The following ALDH3A2 variants were observed in gnomAD, a reference collection of about 807,000 sequenced individuals.
ALDH3A2 encodes aldehyde dehydrogenase 3 family member A2.
In ALDH3A2, 36 loss-of-function variants were observed where a neutral mutation model predicts 51.3. That is an observed-to-expected ratio of 0.70 (90% CI 0.54 to 0.93). ALDH3A2 has a LOEUF of 0.93. Ranked by LOEUF, ALDH3A2 falls within the 40% of genes least tolerant of loss-of-function variation. The pLI, the probability that ALDH3A2 is intolerant of heterozygous loss-of-function variation, is 0.00. For synonymous variants in ALDH3A2, 199 were observed against 219.8 expected (o/e 0.91, Z 0.84); for missense variants, 552 against 603.1 (o/e 0.92, Z 0.89).
intron 6 of ALDH3A2, chr17:19,661,496 T>C (rs1386161062): frequency 1.9e-6 from 1 of 523,224 alleles, no homozygotes; most frequent in East Asian, 3.4e-5. Context: ...TGTTCATATT[T>C]ACACATAACT....
In ALDH3A2 at chr17:19,656,348, T is replaced by G; in HGVS notation, c.472-18T>G. 1 of 1,600,354 alleles carries G rather than the reference T, an allele frequency of 6.2e-7. No homozygotes were observed. The highest frequency in any genetic ancestry group is 2.2e-5 in the East Asian group (1 of 44,796). On this transcript the variant is annotated intron_variant, in intron 3 of 9. Transcript: ENST00000176643. ...ATTTATTTGGCAGTGCAAGAGTTTGTGTTTCTCTTTCTTTGAGGATCTCTA... is the reference window on the plus strand; with the variant it reads ...ATTTATTTGGCAGTGCAAGAGTTTGGGTTTCTCTTTCTTTGAGGATCTCTA...
chr17:19,656,406 C>T lies in ALDH3A2; in HGVS notation c.512C>T (p.Thr171Met), dbSNP rs762531887. Residue 171 changes from threonine (T) to methionine (M), a missense_variant, in exon 4 of 10, where the codon ACG (threonine) becomes ATG (methionine). Coordinates refer to ENST00000176643, the MANE Select transcript of ALDH3A2 (RefSeq NM_000382.3). ...ATTAATGGTGGTGTTGAGGAAACCA[C>T]GGAGCTCCTGAAGCAGCGATTTGAC... ...IVINGGVEET[T>M]ELLKQRFDHI... 26 of 1,613,992 alleles carry T rather than the reference C, an allele frequency of 1.6e-5. 1 individual carries two copies. In the South Asian group the frequency reaches 1.8e-4, roughly 11 times the overall value.
intron 3 of ALDH3A2, 126 bp from the exon 4 acceptor site, chr17:19,656,240 A>C: frequency 1.1e-6 from 1 of 884,008 alleles, no homozygotes; most frequent in South Asian, 1.4e-5. Context: ...CCCATCCCTC[A>C]CAGGGACTGG....
chr17:19,662,607 C>T (rs2084980792), intron 6 of ALDH3A2, among the ~76,000 whole-genome samples: 1 of 152,178 alleles, frequency 6.6e-6, no homozygotes, highest in South Asian at 2.1e-4. Context: ...TCTTGTGCCT[C>T]TTCCCCATGG....
At chr17:19,673,988 T>A (rs987742057) in intron 9 of ALDH3A2, 2 of 152,370 alleles carry the variant, frequency 1.3e-5, no homozygotes, top group African/African-American at 4.8e-5. Context: ...GCCAGCTGAC[T>A]AATTCAGACT....
chr17:19,650,867 G>A lies in ALDH3A2; in HGVS notation c.154-680G>A, dbSNP rs147053798. On this transcript the variant is annotated intron_variant, in intron 1 of 9. Coordinates refer to ENST00000176643, the MANE Select transcript of ALDH3A2 (RefSeq NM_000382.3). Reference sequence around the variant, plus strand: ...CAATCAAAGATTATTTTAATAAGTCGTAATAGTGGTAGTACTAGTAGCAAC... The same window carrying A: ...CAATCAAAGATTATTTTAATAAGTCATAATAGTGGTAGTACTAGTAGCAAC... 6.2e-4 allele frequency among the ~76,000 whole-genome samples: 94 copies of A among 152,242 alleles called. 1 individual carries two copies. In the East Asian group the frequency reaches 0.016, roughly 26 times the overall value.
chr17:19,661,389 C>A, intron 6 of ALDH3A2, 121 bp downstream of exon 6: 1 of 1,199,500 alleles, frequency 8.3e-7, no homozygotes. Flanking sequence ...GTACTAAATC[C>A]TGCTTTCTGG....
Position 19,675,626 on chromosome 17 carries a change from A to G in ALDH3A2, c.*54A>G, listed in dbSNP as rs1567609210. On this transcript the variant is annotated 3_prime_UTR_variant, in exon 10 of 10. Coordinates refer to ENST00000176643, the MANE Select transcript of ALDH3A2 (RefSeq NM_000382.3). ...CTCTACTGAATTATTCCTCTTTTAA[A>G]TGGTTAATGAACCAATAATTTTTAA... 1.9e-6 allele frequency: 3 copies of G among 1,551,644 alleles called. No individual in the cohort carries two copies. Among genetic ancestry groups the G allele is most frequent in the South Asian group, 2.2e-5 (2 of 89,646 alleles).
chr17:19,648,260 G>C (rs771227897), upstream of ALDH3A2: 4 of 152,416 alleles, frequency 2.6e-5, no homozygotes, highest in Non-Finnish European at 5.9e-5. Context: ...CCAGGGAACT[G>C]GGACGGTCAG....
At chr17:19,659,258 G>A (rs935190124) in intron 5 of ALDH3A2, among the ~76,000 whole-genome samples, 7 of 151,894 alleles carry the variant, frequency 4.6e-5, no homozygotes, top group East Asian at 1.9e-4. Context: ...GAAAATTGTC[G>A]CCGTTGTGGT....
At chr17:19,668,042 C>T (rs995640068) in intron 8 of ALDH3A2, among the ~76,000 whole-genome samples, 3 of 151,984 alleles carry the variant, frequency 2.0e-5, no homozygotes, top group Non-Finnish European at 2.9e-5. Flanking sequence ...TCAATTTGTA[C>T]TCCTTTGATT....
At chr17:19,675,219 C>CA (rs1198150547) in intron 9 of ALDH3A2, 1 of 267,062 alleles carries the variant, frequency 3.7e-6, no homozygotes, top group Non-Finnish European at 7.0e-6. Flanking sequence ...GTAGAGACTT[C>CA]AGCTTCCTAC....
At chr17:19,649,300 G>A (rs896675689) in intron 1 of ALDH3A2, 176 bp downstream of exon 1, 4 of 788,920 alleles carry the variant, frequency 5.1e-6, no homozygotes, top group African/African-American at 1.7e-5. Flanking sequence ...CGGTCCTCTA[G>A]CACTCAGAAG....
At chr17:19,651,821 T>A (rs1345977336) in intron 2 of ALDH3A2, 43 bp downstream of exon 2, 1 of 1,522,440 alleles carries the variant, frequency 6.6e-7, no homozygotes, top group South Asian at 1.1e-5. Flanking sequence ...TAGGGAGGCT[T>A]ATTTTCTCAT....
chr17:19,659,665 A>G (rs1340915150), intron 5 of ALDH3A2: 1 of 152,282 alleles, frequency 6.6e-6, no homozygotes, highest in East Asian at 1.9e-4. Flanking sequence ...GCAACGTAGC[A>G]AAATCTTGTC....
chr17:19,648,630 C>G (rs141119627), upstream of ALDH3A2: 2,156 of 385,776 alleles, frequency 5.6e-3, 8 homozygotes, highest in Non-Finnish European at 7.7e-3. Flanking sequence ...CACTCCACCC[C>G]CTACATCCCA....
chr17:19,662,107 A>G (rs2084974331), intron 6 of ALDH3A2: 2 of 151,812 alleles, frequency 1.3e-5, no homozygotes, highest in Admixed American at 1.3e-4. Flanking sequence ...AAAAGAGAAA[A>G]CAGACTCTAC....
intron 6 of ALDH3A2, among the ~76,000 whole-genome samples, 195 bp from the exon 7 acceptor site, chr17:19,663,138 G>A (rs556691752): frequency 1.4e-4 from 21 of 152,184 alleles, no homozygotes; most frequent in Non-Finnish European, 2.9e-4. Flanking sequence ...ACAAGTATCC[G>A]CAGGGTTGTG....
intron 8 of ALDH3A2, 68 bp downstream of exon 8, chr17:19,665,115 A>G (rs2085018350): frequency 1.5e-6 from 2 of 1,376,372 alleles, no homozygotes; most frequent in South Asian, 1.2e-5. Context: ...AGTGGATTGT[A>G]TGGGCTGCTG....
Sources: allele counts gnomAD v4.1 joint callset (sites outside exome capture counted in the v4.1 genomes callset), GRCh38; gene constraint gnomAD v4.1.1; transcripts MANE v1.5; gene names NCBI Gene and HGNC (gene_info 2026-07-23, HGNC 2026-07-21).